MAP4K4: variants seen among roughly 807,000 people sequenced by gnomAD.
MAP4K4 encodes mitogen-activated protein kinase kinase kinase kinase 4.
A neutral mutation model predicts 189.6 loss-of-function variants in MAP4K4; 38 were observed. The ratio of observed to expected loss-of-function variants is 0.20; its 90% confidence interval spans 0.15 to 0.26. The LOEUF (loss-of-function observed/expected upper bound fraction) is 0.26, where lower values mean the gene tolerates loss of function less well. Among genes scored for constraint, MAP4K4 ranks in the 10% least tolerant of loss-of-function variants. MAP4K4 has a pLI of 1.00. For synonymous variants in MAP4K4, 610 were observed against 624.3 expected (o/e 0.98, Z 0.34); for missense variants, 1,054 against 1,726.9 (o/e 0.61, Z 6.91).
At chr2:101,729,482 T>G (rs1205121477) in intron 2 of MAP4K4, among the ~76,000 whole-genome samples, 1 of 152,238 alleles carries the variant, frequency 6.6e-6, no homozygotes, top group Non-Finnish European at 1.5e-5. Context: ...TATTTTTTAT[T>G]ATAGGCTGCA....
At chr2:101,770,339 C>T (rs2080782872) in intron 2 of MAP4K4, among the ~76,000 whole-genome samples, 1 of 150,632 alleles carries the variant, frequency 6.6e-6, no homozygotes, top group Non-Finnish European at 1.5e-5. Context: ...GTCTCTGCCT[C>T]CCGAGTTCAA....
In MAP4K4 at chr2:101,731,451, A is replaced by C. The variant is rs567474751; in HGVS notation, c.123+32913A>C. 2.0e-5 allele frequency among the ~76,000 whole-genome samples: 3 copies of C among 152,150 alleles called. No individual in the cohort carries two copies. In the East Asian group the frequency reaches 5.9e-4, roughly 30 times the overall value. ...TTTTAAAAATTATTAAGCAAAGAGC[A>C]GAGAATGATCTTAAAAAATGAAATG... On this transcript the variant is annotated intron_variant, in intron 2 of 32. Coordinates refer to ENST00000324219, the Ensembl canonical transcript of MAP4K4.
intron 2 of MAP4K4, among the ~76,000 whole-genome samples, chr2:101,719,387 A>C (rs1416452494): frequency 6.6e-6 from 1 of 152,216 alleles, no homozygotes; most frequent in African/African-American, 2.4e-5. Context: ...TTTCTGGGTG[A>C]GGTGGCTCAC....
At chr2:101,759,149 A>AG (rs2074457476) in intron 2 of MAP4K4, among the ~76,000 whole-genome samples, 1 of 150,716 alleles carries the variant, frequency 6.6e-6, no homozygotes, top group African/African-American at 2.4e-5. Context: ...AAAGAAAAAA[A>AG]AAAAAGAAGG....
chr2:101,861,168 C>G (rs376552120), intron 16 of MAP4K4, 182 bp downstream of exon 16: 12 of 586,442 alleles, frequency 2.0e-5, no homozygotes, highest in East Asian at 2.0e-4. Flanking sequence ...CTTTTTCTTT[C>G]TTTTTGAGAT....
intron 12 of MAP4K4, among the ~76,000 whole-genome samples, chr2:101,848,072 G>A (rs1007563264): frequency 6.6e-6 from 1 of 152,140 alleles, no homozygotes; most frequent in African/African-American, 2.4e-5. Context: ...TGTGTAATAG[G>A]CTGTACCATC....
chr2:101,802,208 C>T (rs1391252630), intron 3 of MAP4K4, among the ~76,000 whole-genome samples: 1 of 152,210 alleles, frequency 6.6e-6, no homozygotes, highest in African/African-American at 2.4e-5. Flanking sequence ...TGCTGCCACC[C>T]TTGGCTACCC....
chr2:101,830,574 T>A (rs539981273), intron 6 of MAP4K4, among the ~76,000 whole-genome samples: 21 of 152,348 alleles, frequency 1.4e-4, no homozygotes, highest in African/African-American at 5.1e-4. Flanking sequence ...AAAAGTAAGA[T>A]CTTCATAGTT....
At chr2:101,769,870 C>A (rs1341099601) in intron 2 of MAP4K4, among the ~76,000 whole-genome samples, 7 of 152,168 alleles carry the variant, frequency 4.6e-5, no homozygotes, top group Admixed American at 2.0e-4. Context: ...GCATGAGCCA[C>A]TGTGCCCGGC....
chr2:101,705,999 G>C (rs2042112240), intron 2 of MAP4K4, among the ~76,000 whole-genome samples: 1 of 152,032 alleles, frequency 6.6e-6, no homozygotes. Context: ...TTAAATAAAT[G>C]AAAGAAAAAC....
intron 2 of MAP4K4, among the ~76,000 whole-genome samples, chr2:101,789,926 T>A (rs141500818): frequency 6.6e-6 from 1 of 152,244 alleles, no homozygotes; most frequent in East Asian, 1.9e-4. Context: ...GATTTTAGAT[T>A]CCAGGTGAGG....
At chr2:101,785,690 C>CTTTTCCTTTTTTGAGT (rs1558913395) in intron 2 of MAP4K4, among the ~76,000 whole-genome samples, 5 of 2,068 alleles carry the variant, frequency 2.4e-3, no homozygotes, top group Admixed American at 3.4e-3. Context: ...CTCTCTCTCT[C>CTTTTCCTTTTTTGAGT]TCTCTCTCTC....
rs1301877175 is a variant in MAP4K4 at position 101,748,475 on chromosome 2, C to A, written c.124-42245C>A. Among the ~76,000 whole-genome samples the A allele has an allele frequency of 3.9e-5, 6 of 152,162 alleles. No individual in the cohort carries two copies. In the East Asian group the frequency reaches 9.6e-4, roughly 24 times the overall value. On this transcript the variant is annotated intron_variant, in intron 2 of 32. Transcript: ENST00000324219. ...TCCATGTAATTTCTATTTCCCATTT[C>A]TTGACTCTGAATTTGGAATACAACA...
chr2:101,747,143 G>A (rs2066037333), intron 2 of MAP4K4, among the ~76,000 whole-genome samples: 2 of 151,964 alleles, frequency 1.3e-5, no homozygotes, highest in Non-Finnish European at 2.9e-5. Context: ...TTTTGAGATG[G>A]AGTCTCACTC....
At chr2:101,722,100 T>C (rs2052510458) in intron 2 of MAP4K4, among the ~76,000 whole-genome samples, 1 of 152,162 alleles carries the variant, frequency 6.6e-6, no homozygotes, top group African/African-American at 2.4e-5. Context: ...GTAGAGGCTC[T>C]CAGCTCTGGT....
At chr2:101,710,454 T>C (rs1043230232) in intron 2 of MAP4K4, among the ~76,000 whole-genome samples, 2 of 152,248 alleles carry the variant, frequency 1.3e-5, no homozygotes, top group Non-Finnish European at 2.9e-5. Flanking sequence ...TTGAGCCTAC[T>C]CTGCTAGTCA....
At chr2:101,721,583 A>G (rs532066151) in intron 2 of MAP4K4, among the ~76,000 whole-genome samples, 1 of 151,916 alleles carries the variant, frequency 6.6e-6, no homozygotes, top group African/African-American at 2.4e-5. Context: ...TTACAGGCTC[A>G]CGCCACCATG....
At chr2:101,844,040 G>A in intron 11 of MAP4K4, 61 bp from the exon 12 acceptor site, 1 of 1,147,392 alleles carries the variant, frequency 8.7e-7, no homozygotes, top group Non-Finnish European at 1.3e-6. Flanking sequence ...TGGTGCTATT[G>A]ACTCACTTAT....
chr2:101,755,134 T>G lies in MAP4K4; in HGVS notation c.124-35586T>G, dbSNP rs190601549. On this transcript the variant is annotated intron_variant, in intron 2 of 32. Coordinates refer to ENST00000324219, the Ensembl canonical transcript of MAP4K4. The stretch of plus-strand genomic sequence containing the variant: ...ACTAATGACTGAGAATGACAGTGTT[T>G]GTCAAATACTTAAAAAAAAAATTAG... Among the ~76,000 whole-genome samples, 532 of 152,116 alleles carry G rather than the reference T, an allele frequency of 3.5e-3. 2 individuals carry two copies. The highest frequency in any genetic ancestry group is 0.012 in the African/African-American group (517 of 41,528).
Sources: gnomAD v4.1 joint callset for allele counts (sites outside exome capture counted in the v4.1 genomes callset) on GRCh38, gnomAD v4.1.1 for gene constraint, MANE v1.5 for transcripts, NCBI Gene and HGNC (gene_info 2026-07-23, HGNC 2026-07-21) for gene names.